Variants in CPED1 observed in about 807,000 individuals in gnomAD.
CPED1 encodes the protein cadherin like and PC-esterase domain containing 1, also known as cadherin-like and PC-esterase domain-containing protein 1.
CPED1 carries 114 observed loss-of-function variants against 128.2 expected under a neutral mutation model. The ratio of observed to expected loss-of-function variants is 0.89; its 90% CI spans 0.76 to 1.04. The LOEUF (loss-of-function observed/expected upper bound fraction) is 1.04, where lower values mean the gene tolerates loss of function less well. Among genes scored for constraint, CPED1 ranks in the 50% least tolerant of loss-of-function variants. The pLI, the probability that CPED1 is intolerant of heterozygous loss-of-function variation, is 0.00. For synonymous variants in CPED1, 462 were observed against 426.7 expected, an observed-to-expected ratio of 1.08 and a Z score of -1.02; for missense variants, 1,211 against 1,207.1, an observed-to-expected ratio of 1.00 and a Z score of -0.05.
intron 4 of CPED1, among the ~76,000 whole-genome samples, chr7:121,049,748 C>T (rs917171467): frequency 1.3e-5 from 2 of 152,126 alleles, no homozygotes; most frequent in Non-Finnish European, 2.9e-5. Flanking sequence ...TTTATTCTTA[C>T]TGTTTTGTCT....
At chr7:121,215,050 C>T (rs947596712) in intron 16 of CPED1, among the ~76,000 whole-genome samples, 1 of 152,048 alleles carries the variant, frequency 6.6e-6, no homozygotes, top group African/African-American at 2.4e-5. Flanking sequence ...AGCCTTTACT[C>T]TTCTGCCATT....
chr7:121,275,163 C>T (rs754145402), intron 22 of CPED1, among the ~76,000 whole-genome samples: 13 of 151,970 alleles, frequency 8.6e-5, no homozygotes, highest in Non-Finnish European at 1.5e-4. Context: ...AGAATTCTAT[C>T]ATAGACATAA....
At chr7:121,208,183 C>T (rs1797562963) in intron 16 of CPED1, among the ~76,000 whole-genome samples, 1 of 151,892 alleles carries the variant, frequency 6.6e-6, no homozygotes, top group Non-Finnish European at 1.5e-5. Context: ...TAAATGGCTA[C>T]AGTATGTAAT....
At chr7:120,996,625 C>T (rs1367043820) in intron 2 of CPED1, among the ~76,000 whole-genome samples, 1 of 152,128 alleles carries the variant, frequency 6.6e-6, no homozygotes, top group Non-Finnish European at 1.5e-5. Context: ...GCATTTAGCC[C>T]TTTATTATAC....
chr7:121,209,595 A>C (rs1020658560), intron 16 of CPED1, among the ~76,000 whole-genome samples: 1 of 152,036 alleles, frequency 6.6e-6, no homozygotes, highest in Non-Finnish European at 1.5e-5. Flanking sequence ...ACTATACACA[A>C]AAGTCAAATC....
chr7:121,120,230 T>C (rs1295641052), intron 7 of CPED1, among the ~76,000 whole-genome samples: 2 of 152,202 alleles, frequency 1.3e-5, no homozygotes, highest in Non-Finnish European at 2.9e-5. Context: ...ACCAAATTGC[T>C]ATTCAAGTGG....
intron 18 of CPED1, among the ~76,000 whole-genome samples, chr7:121,262,137 T>C (rs1171400420): frequency 6.6e-6 from 1 of 152,054 alleles, no homozygotes; most frequent in Non-Finnish European, 1.5e-5. Context: ...GCATGTCTCC[T>C]GCTCCCTCTC....
At chr7:121,032,763 G>T (rs1792770581) in intron 3 of CPED1, among the ~76,000 whole-genome samples, 1 of 152,112 alleles carries the variant, frequency 6.6e-6, no homozygotes, top group African/African-American at 2.4e-5. Context: ...GTGTAGGAAT[G>T]ATGCAGTTTA....
intron 3 of CPED1, among the ~76,000 whole-genome samples, chr7:121,026,164 T>C (rs536300479): frequency 6.6e-6 from 1 of 152,244 alleles, no homozygotes; most frequent in East Asian, 1.9e-4. Context: ...ATTGAGCAAA[T>C]GACAGTGGTA....
At chr7:121,023,363 T>C (rs972987414) in intron 3 of CPED1, among the ~76,000 whole-genome samples, 2 of 152,148 alleles carry the variant, frequency 1.3e-5, no homozygotes, top group African/African-American at 4.8e-5. Context: ...AAGGACATTT[T>C]ATCTATCAGA....
Position 121,097,834 on chromosome 7 carries a change from A to T in CPED1, c.749+3A>T. 1 of 1,613,496 alleles carries T rather than the reference A, an allele frequency of 6.2e-7. No homozygotes were observed. Among genetic ancestry groups the T allele is most frequent in the Non-Finnish European group, 8.5e-7 (1 of 1,179,610 alleles). ...GGGGACTGGAGTCGTGAACAGCTGT[A>T]AGCTAATCATTTTGAATTGTTATAA... On this transcript the variant is annotated splice_donor_region_variant and intron_variant, in intron 6 of 22. Transcript: ENST00000310396.
chr7:121,238,622 G>C (rs1798314921), intron 17 of CPED1, among the ~76,000 whole-genome samples: 2 of 152,018 alleles, frequency 1.3e-5, no homozygotes, highest in Non-Finnish European at 2.9e-5. Flanking sequence ...CTTACGAAGA[G>C]GAGGAAGTGG....
At chr7:121,211,561 A>AGCAGGGTCCCAGAACAGCTATGGACCAAT (rs6150320) in intron 16 of CPED1, among the ~76,000 whole-genome samples, 149,549 of 151,816 alleles carry the variant, frequency 0.99, 73,701 homozygotes, top group Middle Eastern at 1. Context: ...TGATTGGGAC[A>AGCAGGGTCCCAGAACAGCTATGGACCAAT]GCAGACACGT....
intron 16 of CPED1, among the ~76,000 whole-genome samples, chr7:121,201,471 GGAGAGTGAGAGACAGAGAGAGAGA>G (rs1797395673): frequency 1.3e-5 from 2 of 149,274 alleles, no homozygotes; most frequent in African/African-American, 4.9e-5. Context: ...GGAGAGAGAG[GGAGAGTGAGAGACAGAGAGAGAGA>G]GAGAGAAGGA....
At chr7:121,195,228 G>C (rs1797245174) in intron 16 of CPED1, among the ~76,000 whole-genome samples, 1 of 152,064 alleles carries the variant, frequency 6.6e-6, no homozygotes, top group Non-Finnish European at 1.5e-5. Flanking sequence ...TATCTACACA[G>C]GTATCTGTAA....
intron 2 of CPED1, among the ~76,000 whole-genome samples, chr7:121,007,601 C>G (rs756923454): frequency 3.8e-4 from 58 of 152,130 alleles, no homozygotes; most frequent in Non-Finnish European, 7.4e-5. Flanking sequence ...CCCTGCTATT[C>G]CTTCTGTTTT....
At chr7:121,114,968 T>C (rs1795202421) in intron 7 of CPED1, among the ~76,000 whole-genome samples, 2 of 152,234 alleles carry the variant, frequency 1.3e-5, no homozygotes, top group Non-Finnish European at 2.9e-5. Context: ...TAACACCTTA[T>C]GGTTTTATAT....
intron 6 of CPED1, among the ~76,000 whole-genome samples, chr7:121,098,737 TATATATAAAAATATATAA>T (rs1259906871): frequency 3.4e-5 from 1 of 29,346 alleles, no homozygotes; most frequent in Non-Finnish European, 8.1e-5. Context: ...CTCAAATATA[TATATATAAAAATATATAA>T]AAATATATAT....
At chr7:121,234,065 G>A (rs1244306609) in intron 16 of CPED1, among the ~76,000 whole-genome samples, 3 of 152,050 alleles carry the variant, frequency 2.0e-5, no homozygotes, top group Non-Finnish European at 4.4e-5. Context: ...ACATTTCTTT[G>A]ACTAGAACTA....
Sources: allele counts gnomAD v4.1 joint callset (sites outside exome capture counted in the v4.1 genomes callset), GRCh38; gene constraint gnomAD v4.1.1; transcripts MANE v1.5; gene names NCBI Gene and HGNC (gene_info 2026-07-23, HGNC 2026-07-21).